The following PLPP3 variants were observed in gnomAD, a reference collection of about 807,000 sequenced individuals.
PLPP3 encodes the protein phospholipid phosphatase 3.
PLPP3 carries 6 observed loss-of-function variants against 29.6 expected under a neutral mutation model. The observed-to-expected ratio is 0.20, with a 90% CI of 0.11 to 0.40. The LOEUF is 0.40. Among genes scored for constraint, PLPP3 ranks in the 10% least tolerant of loss-of-function variants. The pLI, the probability that PLPP3 is intolerant of heterozygous loss-of-function variation, is 1.00. For synonymous variants in PLPP3, 152 were observed against 159.7 expected (o/e 0.95, Z 0.36); for missense variants, 308 against 407.7 (o/e 0.76, Z 2.11).
At chr1:56,560,657 G>T (rs533553627) in intron 1 of PLPP3, among the ~76,000 whole-genome samples, 1 of 152,034 alleles carries the variant, frequency 6.6e-6, no homozygotes, top group African/African-American at 2.4e-5. Flanking sequence ...ACCTCTTAAA[G>T]CCCCCCCACC....
rs752979162 is a variant in PLPP3 at position 56,538,959 on chromosome 1, C to CA, written c.140-1848dup. 5.6e-3 allele frequency: 539 copies of CA among 96,430 alleles called. 39 individuals are homozygous for CA. The highest frequency in any genetic ancestry group is 0.02 in the Middle Eastern group (4 of 202). The allele number at this position is 96,430 out of a possible 1,614,324, so 6.0% of individuals were successfully genotyped here. On this transcript the variant is annotated intron_variant, in intron 1 of 5. Coordinates refer to ENST00000371250, the MANE Select transcript of PLPP3 (RefSeq NM_003713.5). ...AAATAAATACAAGACTTCTGGGCTG[C>CA]AAAAAAAAAAAACACAGTGGATAAT...
At chr1:56,546,948 T>G (rs1252346438) in intron 1 of PLPP3, among the ~76,000 whole-genome samples, 1 of 152,190 alleles carries the variant, frequency 6.6e-6, no homozygotes, top group African/African-American at 2.4e-5. Flanking sequence ...AATCTTCTGA[T>G]AGAAGCCCAC....
At position 56,516,888 on chromosome 1, in the gene PLPP3, C is replaced by T. The variant is rs545015281; in HGVS notation, c.634-4736G>A. The stretch of plus-strand genomic sequence containing the variant: ...GTAAGGCCCTGGCATGTAGAACTCA[C>T]TCTGTCAGTGCAGTTCTCTTCTCCT... On this transcript the variant is annotated intron_variant, in intron 4 of 5. Coordinates refer to ENST00000371250, the MANE Select transcript of PLPP3 (RefSeq NM_003713.5). The T allele has an allele frequency of 2.0e-5, 3 of 152,226 alleles. No individual in the cohort carries two copies. In the South Asian group the frequency reaches 6.2e-4, roughly 32 times the overall value. The allele number at this position is 152,226 out of a possible 1,614,324, so 9.4% of individuals were successfully genotyped here. A position where few individuals can be genotyped will look rare whatever the true frequency, so the allele number is the denominator to read the frequency against.
intron 5 of PLPP3, among the ~76,000 whole-genome samples, chr1:56,507,540 T>C (rs1031313132): frequency 6.6e-6 from 1 of 152,050 alleles, no homozygotes; most frequent in Non-Finnish European, 1.5e-5. Context: ...CATGAGTAGA[T>C]GAGGCCTAAA....
intron 5 of PLPP3, among the ~76,000 whole-genome samples, chr1:56,506,464 C>T (rs370505529): frequency 6.6e-5 from 10 of 152,290 alleles, no homozygotes; most frequent in Middle Eastern, 3.4e-3. Flanking sequence ...AAAAGAGCAA[C>T]GGCAAGCGGA....
At chr1:56,546,537 A>T (rs1325807164) in intron 1 of PLPP3, among the ~76,000 whole-genome samples, 1 of 152,184 alleles carries the variant, frequency 6.6e-6, no homozygotes. Flanking sequence ...CTTAATCTTA[A>T]CCCAAGACTG....
intron 2 of PLPP3, among the ~76,000 whole-genome samples, chr1:56,530,911 TG>T (rs1392492096): frequency 6.6e-6 from 1 of 152,198 alleles, no homozygotes; most frequent in Non-Finnish European, 1.5e-5. Context: ...CCACTCCTTC[TG>T]CCTAGGTCAG....
At chr1:56,535,002 T>C (rs1645915213) in intron 2 of PLPP3, among the ~76,000 whole-genome samples, 1 of 152,206 alleles carries the variant, frequency 6.6e-6, no homozygotes, top group Non-Finnish European at 1.5e-5. Flanking sequence ...TTACCAGATA[T>C]AACATCTGGC....
chr1:56,534,687 C>G (rs1038577504), intron 2 of PLPP3, among the ~76,000 whole-genome samples: 2 of 152,128 alleles, frequency 1.3e-5, no homozygotes, highest in Admixed American at 6.5e-5. Flanking sequence ...TAAATTTAAA[C>G]TCTATAGCTT....
At chr1:56,567,614 GT>G (rs1646170338) in intron 1 of PLPP3, among the ~76,000 whole-genome samples, 1 of 151,928 alleles carries the variant, frequency 6.6e-6, no homozygotes, top group Non-Finnish European at 1.5e-5. Flanking sequence ...AGCCAGGATG[GT>G]CTCAATCTCC....
At chr1:56,513,910 C>T (rs753829343) in intron 4 of PLPP3, 27 of 151,878 alleles carry the variant, frequency 1.8e-4, no homozygotes, top group Non-Finnish European at 5.9e-5. Context: ...TTACTTAGAA[C>T]ACTAAACTTT....
intron 1 of PLPP3, among the ~76,000 whole-genome samples, chr1:56,558,420 A>C (rs1646098622): frequency 6.6e-6 from 1 of 152,202 alleles, no homozygotes; most frequent in Non-Finnish European, 1.5e-5. Flanking sequence ...CTCTGGCAGG[A>C]CTCCAAGGTA....
intron 1 of PLPP3, among the ~76,000 whole-genome samples, chr1:56,546,446 T>C (rs1255428933): frequency 6.6e-6 from 1 of 152,218 alleles, no homozygotes; most frequent in Non-Finnish European, 1.5e-5. Context: ...CCGTAATGTC[T>C]CCCATAGTAA....
chr1:56,555,433 T>TAAAAATAAAAAAA (rs1646068383), intron 1 of PLPP3, among the ~76,000 whole-genome samples: 1 of 33,216 alleles, frequency 3.0e-5, no homozygotes, highest in Non-Finnish European at 5.4e-5. Flanking sequence ...GGCCAAACAC[T>TAAAAATAAAAAAA]AAAAAAAAAA....
At position 56,542,602 on chromosome 1, in the gene PLPP3, A is replaced by C. The variant is rs535726434; in HGVS notation, c.140-5490T>G. 1.1e-4 allele frequency among the ~76,000 whole-genome samples: 17 copies of C among 152,294 alleles called. 1 individual carries two copies. In the South Asian group the frequency reaches 2.9e-3, roughly 26 times the overall value. On this transcript the variant is annotated intron_variant, in intron 1 of 5. Coordinates refer to ENST00000371250, the MANE Select transcript of PLPP3 (RefSeq NM_003713.5). ...CATTATAAAATACGTGAAGTCCAGG[A>C]TCTGCGAGAATAATAATTAAACTAA...
chr1:56,552,782 G>C (rs560589691), intron 1 of PLPP3, among the ~76,000 whole-genome samples: 54 of 152,256 alleles, frequency 3.5e-4, no homozygotes, highest in African/African-American at 1.1e-3. Flanking sequence ...CTTAGAAGAG[G>C]AGAAAAGCCT....
At chr1:56,572,548 T>C (rs565309727) in intron 1 of PLPP3, among the ~76,000 whole-genome samples, 1 of 152,338 alleles carries the variant, frequency 6.6e-6, no homozygotes, top group African/African-American at 2.4e-5. Context: ...TTGAGGTTCC[T>C]GCACTTTGAC....
chr1:56,520,117 A>G (rs1426613860), intron 4 of PLPP3, among the ~76,000 whole-genome samples: 1 of 152,036 alleles, frequency 6.6e-6, no homozygotes, highest in Non-Finnish European at 1.5e-5. Flanking sequence ...ATCTCATCCC[A>G]CTCTTTCATC....
At chr1:56,549,217 T>C (rs1398628190) in intron 1 of PLPP3, among the ~76,000 whole-genome samples, 1 of 152,192 alleles carries the variant, frequency 6.6e-6, no homozygotes, top group African/African-American at 2.4e-5. Flanking sequence ...AGGCGTTCTA[T>C]TCTGTGTGGC....
Sources: gnomAD v4.1 joint callset for allele counts (sites outside exome capture counted in the v4.1 genomes callset) on GRCh38, gnomAD v4.1.1 for gene constraint, MANE v1.5 for transcripts, NCBI Gene and HGNC (gene_info 2026-07-23, HGNC 2026-07-21) for gene names.